DECR1: variants seen among roughly 807,000 people sequenced by gnomAD.
DECR1 encodes the protein 2,4-dienoyl-CoA reductase 1.
In DECR1, 44 loss-of-function variants were observed where a neutral mutation model predicts 38.8. The ratio of observed to expected loss-of-function variants is 1.13; its 90% CI spans 0.89 to 1.46. The LOEUF (loss-of-function observed/expected upper bound fraction) is 1.46. Among genes scored for constraint, DECR1 ranks in the 40% most tolerant of loss-of-function variants. The pLI, the probability that DECR1 is intolerant of heterozygous loss-of-function variation, is 0.00. For synonymous variants in DECR1, 148 were observed against 135.2 expected, an observed-to-expected ratio of 1.09 and a Z score of -0.66; for missense variants, 428 against 405.5, an observed-to-expected ratio of 1.06 and a Z score of -0.48.
At chr8:90,023,676 A>G (rs1026964073) in intron 5 of DECR1, among the ~76,000 whole-genome samples, 32 of 151,916 alleles carry the variant, frequency 2.1e-4, no homozygotes, top group African/African-American at 7.5e-4. Context: ...AATATCCTTC[A>G]TCAGCTTTGG....
rs1439959739 is a variant in DECR1 at position 90,044,934 on chromosome 8, A to C, written c.824A>C (p.Glu275Ala). 1 of 1,613,960 alleles carries C rather than the reference A, an allele frequency of 6.2e-7. No homozygotes were observed. ...CCCTGTGGTCGCCTGGGGACTGTAG[A>C]AGAACTCGCAAATCTTGCTGCTTTC... Reference protein sequence around the residue: ...RIPCGRLGTVEELANLAAFLC... With the variant: ...RIPCGRLGTVAELANLAAFLC... The change falls in exon 8 of 10, where the codon GAA becomes GCA. Residue 275 changes from glutamate (E) to alanine (A), a missense_variant. Transcript: ENST00000220764.
Position 90,020,932 on chromosome 8 carries a change from G to A in DECR1, c.441G>A (p.Gly147=). The change falls in exon 5 of 10, where the codon GGG becomes GGA. Residue 147 remains glycine (G), a synonymous_variant. Coordinates refer to ENST00000220764, the MANE Select transcript of DECR1 (RefSeq NM_001359.2). ...HPNIVINNAA[G]NFISPTERLS... ...AGATTGTGATAAACAATGCAGCAGG[G>A]AATTTTATTTCTCCTACTGAAAGAC... The A allele has an allele frequency of 1.9e-6, 3 of 1,577,856 alleles. No homozygotes were observed. Among genetic ancestry groups the A allele is most frequent in the Non-Finnish European group, 2.6e-6 (3 of 1,166,754 alleles).
chr8:90,019,030 C>A, intron 3 of DECR1, 56 bp from the exon 4 acceptor site: 1 of 1,586,444 alleles, frequency 6.3e-7, no homozygotes, highest in South Asian at 1.1e-5. Flanking sequence ...ATAATTTGTT[C>A]ATGCGTTTGG....
chr8:90,040,342 A>G (rs775329351), intron 6 of DECR1, among the ~76,000 whole-genome samples: 1 of 152,184 alleles, frequency 6.6e-6, no homozygotes, highest in Non-Finnish European at 1.5e-5. Context: ...AAATACATTC[A>G]TGGATTAAGT....
chr8:90,026,580 C>T (rs567161017), intron 5 of DECR1, among the ~76,000 whole-genome samples: 2 of 152,192 alleles, frequency 1.3e-5, no homozygotes, highest in East Asian at 3.9e-4. Context: ...TCCCCTTTAT[C>T]ATTTTTTATT....
chr8:90,015,553 C>T, intron 1 of DECR1: 1 of 421,064 alleles, frequency 2.4e-6, no homozygotes, highest in Middle Eastern at 3.4e-4. Flanking sequence ...GATGAACAGC[C>T]TCCTTCTAAA....
intron 6 of DECR1, 70 bp downstream of exon 6, chr8:90,037,010 C>G: frequency 9.4e-7 from 1 of 1,068,514 alleles, no homozygotes; most frequent in Non-Finnish European, 1.4e-6. Flanking sequence ...GAACTGTATT[C>G]CTGCTTTCTG....
intron 8 of DECR1, among the ~76,000 whole-genome samples, chr8:90,047,932 C>G (rs1292277727): frequency 6.6e-6 from 1 of 152,218 alleles, no homozygotes; most frequent in Non-Finnish European, 1.5e-5. Context: ...TCCTGAATGA[C>G]TACTGGGTAC....
intron 4 of DECR1, among the ~76,000 whole-genome samples, chr8:90,019,894 G>T (rs1193878112): frequency 6.6e-6 from 1 of 152,164 alleles, no homozygotes; most frequent in Non-Finnish European, 1.5e-5. Flanking sequence ...AAACAAACTT[G>T]ATTTCACTTT....
intron 1 of DECR1, among the ~76,000 whole-genome samples, chr8:90,002,393 C>G (rs1469495187): frequency 6.6e-6 from 1 of 152,162 alleles, no homozygotes; most frequent in Non-Finnish European, 1.5e-5. Context: ...TGGCTTCCCC[C>G]TCTCTCTGGC....
At chr8:90,011,486 A>C (rs1355081136) in intron 1 of DECR1, among the ~76,000 whole-genome samples, 1 of 152,162 alleles carries the variant, frequency 6.6e-6, no homozygotes, top group East Asian at 1.9e-4. Flanking sequence ...CGTTCACAAA[A>C]AGCTGATTAG....
rs559798600 is a variant in DECR1 at position 90,020,308 on chromosome 8, T to C, written c.418-601T>C. On this transcript the variant is annotated intron_variant, in intron 4 of 9. Transcript: ENST00000220764. The stretch of plus-strand genomic sequence containing the variant: ...GACACCAGAAACAAAAAGCCATTTC[T>C]TGAGATTCTTTGAAATAAAATGCAG... 2.6e-5 allele frequency among the ~76,000 whole-genome samples: 4 copies of C among 152,352 alleles called. No homozygotes were observed. The East Asian group carries it at 7.7e-4, about 29-fold the overall frequency.
chr8:90,028,995 TACCTA>T (rs1310371488), intron 5 of DECR1, among the ~76,000 whole-genome samples: 1 of 152,146 alleles, frequency 6.6e-6, no homozygotes, highest in Non-Finnish European at 1.5e-5. Context: ...GCTTATTAAT[TACCTA>T]AGTGTTAACT....
intron 1 of DECR1, among the ~76,000 whole-genome samples, chr8:90,009,521 G>A (rs566911758): frequency 1.6e-4 from 24 of 148,316 alleles, no homozygotes; most frequent in African/African-American, 4.8e-4. Context: ...TTTTACTGCC[G>A]TACTGCCATG....
chr8:90,051,975 C>T lies in DECR1; in HGVS notation c.*78C>T. On this transcript the variant is annotated 3_prime_UTR_variant, in exon 10 of 10. Coordinates refer to ENST00000220764, the MANE Select transcript of DECR1 (RefSeq NM_001359.2). Reference sequence around the variant, plus strand: ...ATTATCTCTCATCTTTTGACTATTTCAAGTCTAATAAATTCTTAATTAACA... The same window carrying T: ...ATTATCTCTCATCTTTTGACTATTTTAAGTCTAATAAATTCTTAATTAACA... 7.8e-7 allele frequency: 1 copy of T among 1,277,980 alleles called. No individual in the cohort carries two copies. The highest frequency in any genetic ancestry group is 1.1e-6 in the Non-Finnish European group (1 of 888,326). The allele number at this position is 1,277,980 out of a possible 1,614,324, so 79.2% of individuals were successfully genotyped here. A position where few individuals can be genotyped will look rare whatever the true frequency, so the allele number is the denominator to read the frequency against.
At chr8:90,023,765 C>A (rs1363177048) in intron 5 of DECR1, among the ~76,000 whole-genome samples, 1 of 151,862 alleles carries the variant, frequency 6.6e-6, no homozygotes, top group Non-Finnish European at 1.5e-5. Flanking sequence ...ATGTGCACAA[C>A]GTGCAGGTTC....
At chr8:90,025,548 A>T (rs887089034) in intron 5 of DECR1, among the ~76,000 whole-genome samples, 6 of 151,996 alleles carry the variant, frequency 3.9e-5, no homozygotes, top group African/African-American at 1.4e-4. Flanking sequence ...TATAGGAATG[A>T]TGTGATTTTT....
intron 5 of DECR1, 58 bp from the exon 6 acceptor site, chr8:90,036,783 C>A: frequency 2.8e-6 from 3 of 1,073,058 alleles, no homozygotes; most frequent in Non-Finnish European, 4.1e-6. Flanking sequence ...ATAATGTTTT[C>A]CTTATGTGTA....
At chr8:90,040,795 A>G (rs1033481569) in intron 6 of DECR1, among the ~76,000 whole-genome samples, 18 of 152,216 alleles carry the variant, frequency 1.2e-4, no homozygotes, top group Non-Finnish European at 2.2e-4. Context: ...CCTGCAAAGT[A>G]CATGAACTCA....
Sources: allele counts gnomAD v4.1 joint callset (sites outside exome capture counted in the v4.1 genomes callset), GRCh38; gene constraint gnomAD v4.1.1; transcripts MANE v1.5; gene names NCBI Gene and HGNC (gene_info 2026-07-23, HGNC 2026-07-21).